The following SLC26A5 variants were observed in gnomAD, a reference collection of about 807,000 sequenced individuals.
The protein encoded by SLC26A5 is prestin.
In SLC26A5, 51 loss-of-function variants were observed where a neutral mutation model predicts 81.0. The observed-to-expected ratio is 0.63, with a 90% CI of 0.50 to 0.80. The LOEUF (loss-of-function observed/expected upper bound fraction) is 0.80, where lower values mean the gene tolerates loss of function less well. SLC26A5 is among the 30% of genes least tolerant of loss of function. SLC26A5 has a pLI of 0.00. For missense variants in SLC26A5, 771 were observed against 905.8 expected (o/e 0.85, Z 1.91); for synonymous variants, 325 against 332.8 (o/e 0.98, Z 0.25).
intron 18 of SLC26A5, 33 bp from the exon 19 acceptor site, chr7:103,376,895 C>T (rs762259342): frequency 7.0e-7 from 1 of 1,431,146 alleles, no homozygotes; most frequent in South Asian, 1.2e-5. Flanking sequence ...TTTAGTTTCT[C>T]TTTACTCTGT....
intron 2 of SLC26A5, among the ~76,000 whole-genome samples, chr7:103,437,431 G>T (rs1475686794): frequency 6.6e-6 from 1 of 152,146 alleles, no homozygotes; most frequent in East Asian, 1.9e-4. Context: ...CCACTTCTGG[G>T]TATATATCCA....
intron 2 of SLC26A5, among the ~76,000 whole-genome samples, chr7:103,440,320 A>G (rs148570744): frequency 2.6e-5 from 4 of 152,358 alleles, no homozygotes; most frequent in African/African-American, 9.6e-5. Flanking sequence ...ACCATTTCTA[A>G]TTATTTTGCA....
At chr7:103,353,632 T>C (rs1227666875) in intron 19 of SLC26A5, among the ~76,000 whole-genome samples, 1 of 152,244 alleles carries the variant, frequency 6.6e-6, no homozygotes, top group East Asian at 1.9e-4. Flanking sequence ...TGTATGACTA[T>C]GGTATAATTT....
intron 2 of SLC26A5, among the ~76,000 whole-genome samples, chr7:103,427,964 T>C (rs189500761): frequency 1.7e-3 from 254 of 152,002 alleles, no homozygotes; most frequent in African/African-American, 5.9e-3. Flanking sequence ...GCGATTCTCC[T>C]GCCTCAGCTT....
At chr7:103,391,364 G>A (rs943503212) in intron 11 of SLC26A5, among the ~76,000 whole-genome samples, 1 of 152,192 alleles carries the variant, frequency 6.6e-6, no homozygotes, top group African/African-American at 2.4e-5. Flanking sequence ...AATATTCTAT[G>A]TCTGAACTTT....
chr7:103,381,235 T>TACGCAATACACACAC (rs1821756515), intron 14 of SLC26A5, among the ~76,000 whole-genome samples: 1 of 149,626 alleles, frequency 6.7e-6, no homozygotes, highest in Non-Finnish European at 1.5e-5. Flanking sequence ...CCCACACACA[T>TACGCAATACACACAC]ACGCAATACA....
At position 103,377,720 on chromosome 7, in the gene SLC26A5, T is replaced by C. The variant is rs373545135; in HGVS notation, c.1865A>G (p.Lys622Arg). The change falls in exon 18 of 20, where the codon AAA (lysine) becomes AGA (arginine). Residue 622 changes from lysine to arginine, a missense_variant. By Grantham distance (26) the Lys-to-Arg change is conservative. Coordinates refer to ENST00000306312, the MANE Select transcript of SLC26A5 (RefSeq NM_198999.3). Reference sequence around the variant, plus strand: ...TTGCATTTCCTCAGGAAATGTGCTTTTGATCACTATTGGGGGATATTTTAC... The same window carrying C: ...TTGCATTTCCTCAGGAAATGTGCTTCTGATCACTATTGGGGGATATTTTAC... ...GEVKYPPIVI[K>R]STFPEEMQRF... is the part of the protein sequence containing the mutation. 102 of 1,614,028 alleles carry C rather than the reference T, an allele frequency of 6.3e-5. No individual in the cohort carries two copies. Among genetic ancestry groups the C allele is most frequent in the Non-Finnish European group, 8.1e-5 (95 of 1,180,024 alleles).
chr7:103,369,507 C>G (rs867572134), downstream of SLC26A5: 1 of 152,160 alleles, frequency 6.6e-6, no homozygotes, highest in South Asian at 2.1e-4. Flanking sequence ...GAGTGACTAT[C>G]GTGATAATTT....
At chr7:103,404,573 T>C (rs1823874593) in intron 8 of SLC26A5, among the ~76,000 whole-genome samples, 1 of 152,232 alleles carries the variant, frequency 6.6e-6, no homozygotes, top group Non-Finnish European at 1.5e-5. Flanking sequence ...TGGGGTTCCC[T>C]TTGTGGGTAA....
At chr7:103,380,987 C>T (rs989755602) in intron 14 of SLC26A5, among the ~76,000 whole-genome samples, 5 of 151,398 alleles carry the variant, frequency 3.3e-5, no homozygotes, top group East Asian at 1.9e-4. Context: ...GTATAATGCA[C>T]AATACATACC....
chr7:103,445,811 A>C (rs1827262714), intron 1 of SLC26A5: 3 of 152,942 alleles, frequency 2.0e-5, no homozygotes, highest in Non-Finnish European at 2.9e-5. Flanking sequence ...GAGGAGGCAA[A>C]CGGGAAGTAA....
intron 13 of SLC26A5, 85 bp from the exon 14 acceptor site, chr7:103,389,199 GCTA>G (rs1822444961): frequency 1.7e-6 from 2 of 1,210,144 alleles, no homozygotes; most frequent in Non-Finnish European, 1.2e-6. Flanking sequence ...ACACACACAT[GCTA>G]CTTTTACCTT....
intron 2 of SLC26A5, among the ~76,000 whole-genome samples, chr7:103,426,993 T>C (rs184522412): frequency 7.6e-4 from 115 of 152,196 alleles, no homozygotes; most frequent in Non-Finnish European, 1.3e-3. Flanking sequence ...GCAAAGCAAA[T>C]TGACCTAGAG....
rs754580729 is a variant in SLC26A5, at chr7:103,391,778, T to C, written c.1120-43A>G. On this transcript the variant is annotated intron_variant, in intron 10 of 19. Transcript: ENST00000306312. ...AAAACACAAAAGAGATAGGTCATTC[T>C]TCAGGAAAAAAAAGCATAATAGCCC... is the stretch of plus-strand genomic sequence containing the variant. 2.0e-6 allele frequency: 3 copies of C among 1,525,218 alleles called. No homozygotes were observed. In the East Asian group the frequency reaches 6.8e-5, roughly 35 times the overall value. The allele number at this position is 1,525,218 out of a possible 1,614,324, so 94.5% of individuals were successfully genotyped here. A position where few individuals can be genotyped will look rare whatever the true frequency, so the allele number is the denominator to read the frequency against.
At chr7:103,418,983 T>A (rs1419887291) in intron 4 of SLC26A5, among the ~76,000 whole-genome samples, 1 of 152,166 alleles carries the variant, frequency 6.6e-6, no homozygotes, top group African/African-American at 2.4e-5. Context: ...TAGGAGGTAA[T>A]TGAATCATGG....
At chr7:103,365,821 G>A (rs762226224) in intron 19 of SLC26A5, among the ~76,000 whole-genome samples, 4 of 152,108 alleles carry the variant, frequency 2.6e-5, no homozygotes, top group East Asian at 1.9e-4. Flanking sequence ...CCAGCTACCC[G>A]GGAGGCTGAG....
intron 19 of SLC26A5, among the ~76,000 whole-genome samples, chr7:103,364,576 AT>A (rs1253550930): frequency 1.3e-5 from 2 of 151,770 alleles, no homozygotes; most frequent in Non-Finnish European, 2.9e-5. Context: ...CACCCAGCTA[AT>A]TTTTCTATTT....
Position 103,376,820 on chromosome 7 carries a change from C to T in SLC26A5, c.2029G>A (p.Ala677Thr). The T allele has an allele frequency of 6.2e-7, 1 of 1,603,984 alleles. No individual in the cohort carries two copies. The change falls in exon 19 of 20, where the codon GCA becomes ACA. Residue 677 changes from alanine (A) to threonine (T), a missense_variant. Coordinates refer to ENST00000306312, the MANE Select transcript of SLC26A5 (RefSeq NM_198999.3). Reference protein sequence around the residue: ...YGDVGIYVYLAGCSAQVVNDL... With the variant: ...YGDVGIYVYLTGCSAQVVNDL... ...GAGGTATACTCACCACTGCATCCTG[C>T]TAAGTATACATATATACCGACGTCT...
At chr7:103,377,153 G>T (rs540466502) in intron 18 of SLC26A5, among the ~76,000 whole-genome samples, 1 of 152,060 alleles carries the variant, frequency 6.6e-6, no homozygotes, top group Non-Finnish European at 1.5e-5. Context: ...AATAAAAAAC[G>T]ATTTTTTTTA....
Sources: allele counts gnomAD v4.1 joint callset (sites outside exome capture counted in the v4.1 genomes callset), GRCh38; gene constraint gnomAD v4.1.1; transcripts MANE v1.5; gene names NCBI Gene and HGNC (gene_info 2026-07-23, HGNC 2026-07-21).